STK31: variants seen among roughly 807,000 people sequenced by gnomAD.
The protein encoded by STK31 is serine/threonine-protein kinase 31.
In STK31, 89 loss-of-function variants were observed where a neutral mutation model predicts 129.7. That is an observed-to-expected ratio of 0.69 (90% CI 0.58 to 0.82). The LOEUF (loss-of-function observed/expected upper bound fraction) is 0.82. Among genes scored for constraint, STK31 ranks in the 40% least tolerant of loss-of-function variants. The pLI, the probability that STK31 is intolerant of heterozygous loss-of-function variation, is 0.00. For missense variants in STK31, 1,187 were observed against 1,176.4 expected (o/e 1.01, Z -0.13); for synonymous variants, 448 against 395.3 (o/e 1.13, Z -1.58).
At position 23,771,046 on chromosome 7, in the gene STK31, T is replaced by C. The variant is rs774637324; in HGVS notation, c.1755T>C (p.Tyr585=). The part of the protein sequence containing the change: ...DADKEIISNT[Y]SQVLQKIHSE... ...ACAAGGAGATAATTTCAAATACATA[T>C]AGTCAAGTACTGCAAAAGATTCATT... Residue 585 remains tyrosine, a synonymous_variant, in exon 14 of 24, where the codon TAT becomes TAC. Transcript: ENST00000355870. 15 of 1,612,324 alleles carry C rather than the reference T, an allele frequency of 9.3e-6. 1 individual carries two copies. The East Asian group carries it at 2.0e-4, about 22-fold the overall frequency.
In STK31 at chr7:23,710,316, T is replaced by G. The variant is rs1327162913; in HGVS notation, c.31T>G (p.Ser11Ala). The G allele has an allele frequency of 1.1e-5, 17 of 1,613,324 alleles. No individual in the cohort carries two copies. Among genetic ancestry groups the G allele is most frequent in the Non-Finnish European group, 1.4e-5 (17 of 1,179,926 alleles). The change falls in exon 1 of 24, where the codon TCC becomes GCC. Residue 11 changes from serine to alanine, a missense_variant. Ser to Ala is a moderately conservative substitution (Grantham distance 99, BLOSUM62 1). Coordinates refer to ENST00000355870, the MANE Select transcript of STK31 (RefSeq NM_031414.5). MWVQGHSSRA[S>A]ATESVSFSGI... Reference sequence around the variant, plus strand: ...GGTCCAGGGTCACTCTTCTAGAGCTTCCGCAACGGAAAGTGTGAGGTCAGT... The same window carrying G: ...GGTCCAGGGTCACTCTTCTAGAGCTGCCGCAACGGAAAGTGTGAGGTCAGT...
Position 23,827,809 on chromosome 7 carries a change from A to G in STK31, c.2830-4327A>G, listed in dbSNP as rs1584511951. ...CTTTCTGTTTGTTAGTTTTCCTTCT[A>G]ACAGTCAGGACCCTCTGCTGCAGGT... On this transcript the variant is annotated intron_variant, in intron 23 of 23. Coordinates refer to ENST00000355870, the MANE Select transcript of STK31 (RefSeq NM_031414.5). Among the ~76,000 whole-genome samples the G allele has an allele frequency of 2.0e-5, 3 of 152,106 alleles. No individual in the cohort carries two copies. The East Asian group carries it at 5.8e-4, about 29-fold the overall frequency.
rs1180876525 is a variant in STK31 at position 23,712,247 on chromosome 7, T to G, written c.111T>G (p.Val37=). The part of the protein sequence containing the change: ...DTHYDKVEDV[V]GSHIEDAVTF... ...ATTTGATTTTAGTGGAAGATGTGGT[T>G]GGAAGTCACATAGAAGATGCAGTAA... The change falls in exon 3 of 24, where the codon GTT becomes GTG. Residue 37 remains valine, a synonymous_variant. Coordinates refer to ENST00000355870, the MANE Select transcript of STK31 (RefSeq NM_031414.5). 1 of 1,614,126 alleles carries G rather than the reference T, an allele frequency of 6.2e-7. No individual in the cohort carries two copies.
chr7:23,791,061 T>TG (rs2128114335), intron 22 of STK31, 115 bp downstream of exon 22: 1 of 1,066,124 alleles, frequency 9.4e-7, no homozygotes, highest in East Asian at 3.2e-5. Flanking sequence ...TAGTAGAACT[T>TG]TAAGTTTTAA....
chr7:23,800,168 A>G (rs1056199814), intron 22 of STK31, among the ~76,000 whole-genome samples: 6 of 152,180 alleles, frequency 3.9e-5, no homozygotes, highest in African/African-American at 1.4e-4. Flanking sequence ...TATGGAAAAT[A>G]GTGTAGCGAT....
intron 22 of STK31, among the ~76,000 whole-genome samples, chr7:23,801,274 G>A (rs564046734): frequency 6.6e-6 from 1 of 152,260 alleles, no homozygotes; most frequent in South Asian, 2.1e-4. Flanking sequence ...GTGTTTCATT[G>A]TGGTTTTAAT....
At chr7:23,777,681 T>TGCTTGGTAAATCTTCCTCCATCC (rs1292151496) in intron 15 of STK31, among the ~76,000 whole-genome samples, 5 of 152,144 alleles carry the variant, frequency 3.3e-5, no homozygotes, top group African/African-American at 1.2e-4. Context: ...GCTTTCCATC[T>TGCTTGGTAAATCTTCCTCCATCC]GCTTGGTAAA....
intron 4 of STK31, among the ~76,000 whole-genome samples, chr7:23,724,192 T>G (rs961661396): frequency 4.6e-5 from 7 of 152,360 alleles, no homozygotes; most frequent in African/African-American, 1.7e-4. Context: ...CTCAAGGCTT[T>G]ATGTTGTTAT....
chr7:23,822,622 C>CT (rs572675604), intron 23 of STK31, among the ~76,000 whole-genome samples: 5 of 151,890 alleles, frequency 3.3e-5, no homozygotes, highest in Non-Finnish European at 5.9e-5. Context: ...TATTATTATA[C>CT]TTTAAGTTTT....
intron 17 of STK31, 102 bp from the exon 18 acceptor site, chr7:23,785,376 A>G: frequency 6.8e-7 from 1 of 1,477,616 alleles, no homozygotes. Context: ...AGTACAGTTG[A>G]TGGTGTCCAA....
chr7:23,729,066 C>T (rs371603396), intron 5 of STK31, 25 bp from the exon 6 acceptor site: 94 of 1,565,252 alleles, frequency 6.0e-5, no homozygotes, highest in Non-Finnish European at 7.8e-5. Flanking sequence ...GGTCAGTATT[C>T]GTATTTGTCT....
intron 22 of STK31, among the ~76,000 whole-genome samples, chr7:23,801,193 G>T (rs1792345099): frequency 1.3e-5 from 2 of 152,182 alleles, no homozygotes; most frequent in South Asian, 2.1e-4. Flanking sequence ...GAAAGTTTCA[G>T]TTCAGCATCA....
At chr7:23,783,739 G>C (rs1791081594) in intron 17 of STK31, 76 bp downstream of exon 17, 2 of 1,177,226 alleles carry the variant, frequency 1.7e-6, no homozygotes, top group Non-Finnish European at 2.4e-6. Flanking sequence ...TTGTGTCAGT[G>C]TTAAACTTAT....
At chr7:23,768,894 G>T in intron 11 of STK31, 101 bp from the exon 12 acceptor site, 1 of 946,930 alleles carries the variant, frequency 1.1e-6, no homozygotes, top group East Asian at 2.8e-5. Flanking sequence ...TCAAGAATGG[G>T]GATTCAGCAT....
intron 6 of STK31, among the ~76,000 whole-genome samples, chr7:23,732,729 T>A (rs1327416703): frequency 6.6e-6 from 1 of 152,202 alleles, no homozygotes; most frequent in Non-Finnish European, 1.5e-5. Context: ...AGACAATAGG[T>A]TATTTCCATT....
intron 22 of STK31, among the ~76,000 whole-genome samples, chr7:23,798,962 A>G (rs1792191741): frequency 6.6e-6 from 1 of 152,210 alleles, no homozygotes; most frequent in Non-Finnish European, 1.5e-5. Flanking sequence ...ACAGACAAAG[A>G]GCCAAATCAT....
chr7:23,787,526 C>A (rs901803996), intron 20 of STK31, among the ~76,000 whole-genome samples: 1 of 152,038 alleles, frequency 6.6e-6, no homozygotes, highest in African/African-American at 2.4e-5. Context: ...GCCTGAGCTC[C>A]ACTTCCTGTA....
intron 10 of STK31, chr7:23,754,942 C>A (rs540844853): frequency 6.5e-6 from 1 of 153,988 alleles, no homozygotes; most frequent in East Asian, 1.9e-4. Context: ...CCATTGTGAA[C>A]AGTGCTGCAG....
intron 23 of STK31, among the ~76,000 whole-genome samples, chr7:23,830,363 T>G (rs1794467583): frequency 6.6e-6 from 1 of 152,258 alleles, no homozygotes; most frequent in African/African-American, 2.4e-5. Flanking sequence ...TCTTACTCCT[T>G]TTTTGATAGA....
Sources: gnomAD v4.1 joint callset for allele counts (sites outside exome capture counted in the v4.1 genomes callset) on GRCh38, gnomAD v4.1.1 for gene constraint, MANE v1.5 for transcripts, NCBI Gene and HGNC (gene_info 2026-07-23, HGNC 2026-07-21) for gene names.